FOCAD: variants seen among roughly 807,000 people sequenced by gnomAD.
The protein encoded by FOCAD is focadhesin.
A neutral mutation model predicts 225.6 loss-of-function variants in FOCAD; 198 were observed. The ratio of observed to expected loss-of-function variants is 0.88; its 90% CI spans 0.78 to 0.99. The LOEUF (loss-of-function observed/expected upper bound fraction) is 0.99. Ranked by LOEUF, FOCAD falls within the 50% of genes least tolerant of loss-of-function variation. The pLI is 0.00. For synonymous variants in FOCAD, 897 were observed against 755.0 expected (o/e 1.19, Z -3.08); for missense variants, 2,713 against 2,123.6 (o/e 1.28, Z -5.46).
At chr9:20,813,412 T>A (rs1169880439) in intron 11 of FOCAD, among the ~76,000 whole-genome samples, 1 of 152,156 alleles carries the variant, frequency 6.6e-6, no homozygotes, top group Admixed American at 6.6e-5. Context: ...AAAAAAAATT[T>A]TTTTTGAGGA....
intron 7 of FOCAD, among the ~76,000 whole-genome samples, chr9:20,766,475 A>T (rs545259672): frequency 6.6e-6 from 1 of 152,202 alleles, no homozygotes; most frequent in Non-Finnish European, 1.5e-5. Context: ...GAGGAAGCGT[A>T]CTATTTTGCA....
At chr9:20,980,635 C>G (rs1489852197) in intron 37 of FOCAD, among the ~76,000 whole-genome samples, 6 of 152,212 alleles carry the variant, frequency 3.9e-5, no homozygotes, top group Non-Finnish European at 2.9e-5. Context: ...CATTGTTCCT[C>G]TGTCCCTCCC....
intron 35 of FOCAD, among the ~76,000 whole-genome samples, chr9:20,974,379 C>G (rs1840048862): frequency 1.0e-5 from 1 of 97,774 alleles, no homozygotes; most frequent in Non-Finnish European, 2.1e-5. Flanking sequence ...TCTTGCTTCC[C>G]CATTTTAGCA....
rs1247818120 is a variant in FOCAD at position 20,937,684 on chromosome 9, C to G, written c.3407+4581C>G. On this transcript the variant is annotated intron_variant, in intron 28 of 43. Transcript: ENST00000338382. ...ATAGGCATGGGCAAGGACTGCATGTCTAAAACACCAAAAGCAATGTCAAGA... is the reference window on the plus strand; with the variant it reads ...ATAGGCATGGGCAAGGACTGCATGTGTAAAACACCAAAAGCAATGTCAAGA... 5.3e-5 allele frequency among the ~76,000 whole-genome samples: 8 copies of G among 152,238 alleles called. No homozygotes were observed. In the South Asian group the frequency reaches 8.3e-4, roughly 16 times the overall value.
intron 35 of FOCAD, among the ~76,000 whole-genome samples, chr9:20,971,348 ATGC>A (rs1479468732): frequency 2.0e-5 from 3 of 152,158 alleles, no homozygotes; most frequent in African/African-American, 4.8e-5. Context: ...TCTACCAATT[ATGC>A]TGCTATTTCT....
intron 42 of FOCAD, among the ~76,000 whole-genome samples, chr9:20,992,343 C>A (rs1841742975): frequency 6.6e-6 from 1 of 152,138 alleles, no homozygotes; most frequent in Admixed American, 6.5e-5. Flanking sequence ...TGTTTCATAT[C>A]CATTTGGGCA....
At chr9:20,801,258 A>C (rs1420147200) in intron 11 of FOCAD, among the ~76,000 whole-genome samples, 1 of 152,174 alleles carries the variant, frequency 6.6e-6, no homozygotes, top group African/African-American at 2.4e-5. Flanking sequence ...TACATGGGAT[A>C]AAGAGGGGGT....
intron 15 of FOCAD, among the ~76,000 whole-genome samples, chr9:20,860,730 C>T (rs1004717565): frequency 1.9e-4 from 29 of 152,190 alleles, no homozygotes; most frequent in African/African-American, 6.5e-4. Flanking sequence ...AGGCTGGTCT[C>T]GAACTCCTGA....
chr9:20,710,659 A>T (rs1587293243), intron 1 of FOCAD, among the ~76,000 whole-genome samples: 1 of 152,082 alleles, frequency 6.6e-6, no homozygotes, highest in South Asian at 2.1e-4. Context: ...ATTGCATATT[A>T]TATCACTCTA....
chr9:20,819,721 A>G lies in FOCAD; in HGVS notation c.1456-75A>G, dbSNP rs930317851. The G allele has an allele frequency of 1.4e-5, 10 of 704,542 alleles. 1 individual carries two copies. In the African/African-American group the frequency reaches 1.9e-4, roughly 13 times the overall value. 43.6% of individuals were successfully genotyped at this position (704,542 alleles called of 1,614,324 possible). The stretch of plus-strand genomic sequence containing the variant: ...TATTCATATTATTCCTCTGGAAAAA[A>G]AGAGATAAATATTCCATTATATATT... On this transcript the variant is annotated intron_variant, in intron 11 of 43. Transcript: ENST00000338382.
intron 5 of FOCAD, among the ~76,000 whole-genome samples, chr9:20,754,974 AT>A (rs1468371615): frequency 6.6e-6 from 1 of 152,202 alleles, no homozygotes; most frequent in Non-Finnish European, 1.5e-5. Context: ...TTAAGGGAGA[AT>A]TTAGCTGTTT....
chr9:20,891,563 A>G (rs945202652), intron 21 of FOCAD, among the ~76,000 whole-genome samples: 1 of 152,232 alleles, frequency 6.6e-6, no homozygotes, highest in Non-Finnish European at 1.5e-5. Flanking sequence ...CGAACCAACC[A>G]TAACATTCCC....
At chr9:20,838,772 T>A (rs1001272149) in intron 15 of FOCAD, among the ~76,000 whole-genome samples, 1 of 152,128 alleles carries the variant, frequency 6.6e-6, no homozygotes, top group East Asian at 1.9e-4. Context: ...GAGTTCCCCA[T>A]GACTTTGATG....
intron 1 of FOCAD, among the ~76,000 whole-genome samples, chr9:20,691,661 T>C (rs1822988023): frequency 6.6e-6 from 1 of 151,386 alleles, no homozygotes. Flanking sequence ...TTTTGTATTT[T>C]TAGTAGAGAC....
At chr9:20,867,416 T>C (rs959864960) in intron 18 of FOCAD, among the ~76,000 whole-genome samples, 3 of 151,788 alleles carry the variant, frequency 2.0e-5, no homozygotes, top group Non-Finnish European at 4.4e-5. Context: ...AAAAATCTGC[T>C]TTTTTTTAGT....
At chr9:20,902,559 A>G (rs1259876865) in intron 21 of FOCAD, among the ~76,000 whole-genome samples, 1 of 151,934 alleles carries the variant, frequency 6.6e-6, no homozygotes, top group African/African-American at 2.4e-5. Context: ...AGGTTTTGCA[A>G]AGTTCTGAGT....
In FOCAD at chr9:20,679,121, ATGTGTGTGTGTGTGTGTGTG is replaced by A. The variant is rs539231126; in HGVS notation, c.-77-15367_-77-15348del. The stretch of plus-strand genomic sequence containing the variant: ...CAAAGGGGCAACAGACAGTCTGTGT[ATGTGTGTGTGTGTGTGTGTG>A]TGTGTGTGTGTGTGTGTGTGTGTGT... On this transcript the variant is annotated intron_variant, in intron 2 of 45. Coordinates refer to the FOCAD transcript ENST00000380249. 1.6e-3 allele frequency among the ~76,000 whole-genome samples: 192 copies of A among 122,036 alleles called. 1 individual carries two copies. The highest frequency in any genetic ancestry group is 2.8e-3 in the African/African-American group (91 of 32,904). 80.1% of individuals were successfully genotyped at this position (122,036 alleles called of 152,430 possible).
At chr9:20,891,418 C>T (rs1270329537) in intron 21 of FOCAD, among the ~76,000 whole-genome samples, 2 of 152,194 alleles carry the variant, frequency 1.3e-5, no homozygotes, top group African/African-American at 4.8e-5. Flanking sequence ...TTGCACCAAA[C>T]AGCCAATTTT....
intron 5 of FOCAD, among the ~76,000 whole-genome samples, chr9:20,745,113 C>A (rs548241121): frequency 7.2e-6 from 1 of 139,422 alleles, no homozygotes; most frequent in East Asian, 2.0e-4. Context: ...GTTATTTAAA[C>A]ATTTTTTTTT....
Sources: allele counts gnomAD v4.1 joint callset (sites outside exome capture counted in the v4.1 genomes callset), GRCh38; gene constraint gnomAD v4.1.1; transcripts MANE v1.5; gene names NCBI Gene and HGNC (gene_info 2026-07-23, HGNC 2026-07-21).